USP53: variants seen among roughly 807,000 people sequenced by gnomAD.
USP53 encodes the protein ubiquitin specific peptidase 53.
USP53 carries 71 observed loss-of-function variants against 94.9 expected under a neutral mutation model. The ratio of observed to expected loss-of-function variants is 0.75; its 90% CI spans 0.62 to 0.91. The LOEUF (loss-of-function observed/expected upper bound fraction) is 0.91, where lower values mean the gene tolerates loss of function less well. Among genes scored for constraint, USP53 ranks in the 40% least tolerant of loss-of-function variants. The probability of loss-of-function intolerance (pLI) is 0.00; values close to 1 mark genes in which losing one functional copy is unlikely to be tolerated. For missense variants in USP53, 1,173 were observed against 1,281.0 expected (o/e 0.92, Z 1.29); for synonymous variants, 375 against 422.7 (o/e 0.89, Z 1.39).
intron 3 of USP53, among the ~76,000 whole-genome samples, chr4:119,230,523 C>T (rs1176902041): frequency 2.0e-5 from 3 of 152,138 alleles, no homozygotes; most frequent in Non-Finnish European, 2.9e-5. Flanking sequence ...AGGTGTCCCT[C>T]TCACAGGAAA....
At chr4:119,218,846 T>G (rs1744146955) in intron 3 of USP53, 1 of 152,196 alleles carries the variant, frequency 6.6e-6, no homozygotes, top group Non-Finnish European at 1.5e-5. Context: ...AAATAAAATC[T>G]TAAATACTTC....
chr4:119,284,817 A>G (rs937600088), intron 17 of USP53, among the ~76,000 whole-genome samples: 1 of 151,894 alleles, frequency 6.6e-6, no homozygotes, highest in Non-Finnish European at 1.5e-5. Flanking sequence ...ACTTTTTCAT[A>G]TTAACTGAGG....
rs779901722 is a variant in USP53 at position 119,261,854 on chromosome 4, A to C, written c.962A>C (p.Asn321Thr). The change falls in exon 12 of 19, where the codon AAT becomes ACT. Residue 321 changes from asparagine (N) to threonine (T), a missense_variant. Asn to Thr is a moderately conservative substitution (Grantham distance 65). Coordinates refer to ENST00000692078, the MANE Select transcript of USP53 (RefSeq NM_001371395.1). ...SSKWVFFDDA[N>T]VKEIGTRWKD... is the part of the protein sequence containing the mutation. ...AAATGGGTATTTTTTGATGATGCAA[A>C]TGTGAAAGAGGTAAGTGACACTTTC... The C allele has an allele frequency of 2.0e-6, 3 of 1,474,828 alleles. No individual in the cohort carries two copies. Among genetic ancestry groups the C allele is most frequent in the Non-Finnish European group, 2.7e-6 (3 of 1,094,826 alleles). 91.4% of individuals were successfully genotyped at this position (1,474,828 alleles called of 1,614,324 possible). A position where few individuals can be genotyped will look rare whatever the true frequency, so the allele number is the denominator to read the frequency against.
At chr4:119,290,770 C>T (rs189218351) in intron 17 of USP53, among the ~76,000 whole-genome samples, 2 of 152,188 alleles carry the variant, frequency 1.3e-5, no homozygotes, top group Admixed American at 6.5e-5. Context: ...GCTTGTTTAC[C>T]TACCCATAAT....
Position 119,248,790 on chromosome 4 carries a change from C to T in USP53, c.280C>T (p.Pro94Ser), listed in dbSNP as rs772606705. 7 of 1,613,916 alleles carry T rather than the reference C, an allele frequency of 4.3e-6. No individual in the cohort carries two copies. In the African/African-American group the frequency reaches 6.7e-5, roughly 15 times the overall value. Residue 94 changes from proline to serine, a missense_variant, in exon 7 of 19, where the codon CCC becomes TCC. Physicochemically the swap from Pro to Ser is moderately conservative, Grantham distance 74 (BLOSUM62 -1). Coordinates refer to ENST00000692078, the MANE Select transcript of USP53 (RefSeq NM_001371395.1). The stretch of plus-strand genomic sequence containing the variant: ...CCAACACAGTCGAGAAAAAGCACTT[C>T]CCTCAGATAACATAAGGCATGCTCT... ...QFQHSREKAL[P>S]SDNIRHALAE...
rs761451328 is a variant in USP53, at chr4:119,291,175, AG to A, written c.2263del (p.Glu755AsnfsTer22). On this transcript the variant is annotated frameshift_variant, in exon 18 of 19. Transcript: ENST00000692078. LOFTEE classifies it high-confidence loss of function. ...SQHHLEGFRK[E>X]LRNLEAGYKS... ...CCCACCCAACCCTAGGCTTTAGAAA[AG>A]AACTCAGGAATTTGGAAGCAGGCTA... The A allele has an allele frequency of 6.4e-7, 1 of 1,568,208 alleles. No individual in the cohort carries two copies. Among genetic ancestry groups the A allele is most frequent in the Admixed American group, 1.8e-5 (1 of 54,504 alleles).
At chr4:119,226,219 AG>A (rs1436013980) in intron 3 of USP53, among the ~76,000 whole-genome samples, 1 of 152,340 alleles carries the variant, frequency 6.6e-6, no homozygotes, top group East Asian at 1.9e-4. Flanking sequence ...CCTACACATA[AG>A]GTTAAAGACT....
At chr4:119,253,455 C>T (rs763874882) in intron 7 of USP53, among the ~76,000 whole-genome samples, 4 of 152,078 alleles carry the variant, frequency 2.6e-5, no homozygotes, top group African/African-American at 4.8e-5. Flanking sequence ...TGAATTGATC[C>T]CTTTACCATT....
intron 2 of USP53, among the ~76,000 whole-genome samples, chr4:119,216,341 G>A (rs190429592): frequency 3.3e-5 from 5 of 151,284 alleles, no homozygotes; most frequent in East Asian, 1.9e-4. Context: ...AGATTGTGCC[G>A]TTGCTCTACA....
chr4:119,268,515 G>C (rs1258679607), intron 14 of USP53, 95 bp downstream of exon 14: 3 of 1,251,666 alleles, frequency 2.4e-6, no homozygotes, highest in Admixed American at 2.5e-5. Context: ...CCTTGGCTGT[G>C]AAAAGATAAT....
At chr4:119,223,651 C>T (rs1355333554) in intron 3 of USP53, among the ~76,000 whole-genome samples, 21 of 152,170 alleles carry the variant, frequency 1.4e-4, no homozygotes, top group Non-Finnish European at 7.3e-5. Flanking sequence ...AGAATCTTTA[C>T]CATCCACATT....
rs1255949181 is a variant in USP53, at chr4:119,226,612, TA to T, written c.-664-8671del. ...AAACATTTCTAAGAGAAAGAAGACC[TA>T]AAAAAATGTAGAAAGACATAATATT... On this transcript the variant is annotated intron_variant, in intron 3 of 18. Transcript: ENST00000692078. 4.6e-5 allele frequency among the ~76,000 whole-genome samples: 7 copies of T among 152,208 alleles called. No homozygotes were observed. In the East Asian group the frequency reaches 1.4e-3, roughly 29 times the overall value.
chr4:119,292,289 A>G (rs1754846310), intron 18 of USP53, 49 bp from the exon 19 acceptor site: 1 of 1,478,488 alleles, frequency 6.8e-7, no homozygotes, highest in Admixed American at 2.5e-5. Flanking sequence ...CCCTAGTTTC[A>G]TATATTTGCA....
At chr4:119,273,169 G>A (rs1267700876) in intron 16 of USP53, 1 of 152,800 alleles carries the variant, frequency 6.5e-6, no homozygotes, top group Non-Finnish European at 1.5e-5. Context: ...TAAAATATTA[G>A]CCAGGTATTG....
intron 6 of USP53, among the ~76,000 whole-genome samples, chr4:119,247,782 A>C (rs1748449815): frequency 6.6e-6 from 1 of 152,214 alleles, no homozygotes; most frequent in Non-Finnish European, 1.5e-5. Context: ...AATAAGAGAT[A>C]AAATCTGAAA....
At position 119,294,036 on chromosome 4, in the gene USP53, CTTAAACT is replaced by C. The variant is rs1755048608; in HGVS notation, c.*829_*835del. ...CCATGTAAGTTAAAAAGTTAAAATA[CTTAAACT>C]TTAGTGTATTTATTTATCTCGTTAC... On this transcript the variant is annotated 3_prime_UTR_variant, in exon 19 of 19. Transcript: ENST00000692078. The C allele has an allele frequency of 6.6e-6, 1 of 151,934 alleles. No individual in the cohort carries two copies. Among genetic ancestry groups the C allele is most frequent in the Admixed American group, 6.6e-5 (1 of 15,242 alleles). The allele number at this position is 151,934 out of a possible 1,614,324, so 9.4% of individuals were successfully genotyped here.
intron 5 of USP53, among the ~76,000 whole-genome samples, chr4:119,241,870 C>G (rs1283733966): frequency 6.6e-6 from 1 of 152,162 alleles, no homozygotes; most frequent in East Asian, 1.9e-4. Context: ...AGTTGTTCCA[C>G]AGCTTACTGA....
Position 119,294,542 on chromosome 4 carries a change from T to C in USP53, c.*1331T>C, listed in dbSNP as rs1057184418. 6.6e-6 allele frequency: 1 copy of C among 152,142 alleles called. No homozygotes were observed. Among genetic ancestry groups the C allele is most frequent in the African/African-American group, 2.4e-5 (1 of 41,454 alleles). The allele number at this position is 152,142 out of a possible 1,614,324, so 9.4% of individuals were successfully genotyped here. A position where few individuals can be genotyped will look rare whatever the true frequency, so the allele number is the denominator to read the frequency against. ...AATTGTGGTTTAGAATAGTTTTATG[T>C]TCACTCCTGATAACTGAGAAACAGA... On this transcript the variant is annotated 3_prime_UTR_variant, in exon 19 of 19. Coordinates refer to ENST00000692078, the MANE Select transcript of USP53 (RefSeq NM_001371395.1).
chr4:119,269,506 G>T (rs1423131240), intron 14 of USP53, among the ~76,000 whole-genome samples, 185 bp from the exon 15 acceptor site: 1 of 152,016 alleles, frequency 6.6e-6, no homozygotes, highest in Non-Finnish European at 1.5e-5. Flanking sequence ...AATACAACAT[G>T]CATCTCCAGT....
Sources: gnomAD v4.1 joint callset for allele counts (sites outside exome capture counted in the v4.1 genomes callset) on GRCh38, gnomAD v4.1.1 for gene constraint, MANE v1.5 for transcripts, NCBI Gene and HGNC (gene_info 2026-07-23, HGNC 2026-07-21) for gene names.